Variants in CNKSR3 observed in about 807,000 individuals in gnomAD.
CNKSR3 encodes CNKSR family member 3.
Under a neutral mutation model 67.7 loss-of-function variants are expected in CNKSR3, and 36 were observed. The observed-to-expected ratio is 0.53, with a 90% CI of 0.41 to 0.70. The LOEUF is 0.70. Ranked by LOEUF, CNKSR3 falls within the 30% of genes least tolerant of loss-of-function variation. The pLI is 0.00. For missense variants in CNKSR3, 630 were observed against 695.2 expected (o/e 0.91, Z 1.05); for synonymous variants, 281 against 271.4 (o/e 1.04, Z -0.35).
At chr6:154,438,211 AT>A (rs1484170043) in intron 4 of CNKSR3, among the ~76,000 whole-genome samples, 5 of 152,118 alleles carry the variant, frequency 3.3e-5, no homozygotes, top group Non-Finnish European at 7.3e-5. Flanking sequence ...CATATACATG[AT>A]TTTTATAAAT....
rs748895826 is a variant in CNKSR3 at position 154,414,308 on chromosome 6, T to C, written c.1061A>G (p.Tyr354Cys). ...LYIPPPPAVP[Y>C]SPRDENGSFV... is the part of the protein sequence containing the mutation. ...ATGGACAGCAACATACCGGGGAGAG[T>C]AGGGAACAGCAGGCGGAGGAGGAAT... Residue 354 changes from tyrosine to cysteine, a missense_variant, in exon 10 of 13, where the codon TAC becomes TGC. Tyr to Cys is a radical substitution (Grantham distance 194). This residue lies in a region of CNKSR3 where 308 missense variants were observed against 299.6 expected (regional missense o/e 1.03). Coordinates refer to ENST00000607772, the MANE Select transcript of CNKSR3 (RefSeq NM_173515.4). The C allele has an allele frequency of 3.1e-6, 5 of 1,594,532 alleles. No individual in the cohort carries two copies. In the East Asian group the frequency reaches 9.0e-5, roughly 29 times the overall value.
intron 4 of CNKSR3, among the ~76,000 whole-genome samples, chr6:154,434,969 G>T (rs1384341007): frequency 2.0e-5 from 3 of 148,014 alleles, no homozygotes; most frequent in African/African-American, 7.5e-5. Context: ...CTTTATCTTT[G>T]TGTCTATAAT....
At chr6:154,409,585 G>C (rs1784866282) in intron 12 of CNKSR3, among the ~76,000 whole-genome samples, 1 of 152,134 alleles carries the variant, frequency 6.6e-6, no homozygotes, top group Non-Finnish European at 1.5e-5. Flanking sequence ...GGGCATGGTG[G>C]CACACGTCTG....
At chr6:154,458,376 G>A (rs1786002772) in intron 1 of CNKSR3, among the ~76,000 whole-genome samples, 1 of 152,094 alleles carries the variant, frequency 6.6e-6, no homozygotes, top group East Asian at 1.9e-4. Flanking sequence ...CTCCCCTAAT[G>A]AAAGACCTGA....
intron 1 of CNKSR3, among the ~76,000 whole-genome samples, chr6:154,468,227 G>A (rs899819073): frequency 1.3e-4 from 19 of 151,108 alleles, no homozygotes; most frequent in African/African-American, 4.6e-4. Flanking sequence ...TTATAAGCAG[G>A]CACCACCACA....
At chr6:154,447,215 A>T (rs1785725258) in intron 2 of CNKSR3, among the ~76,000 whole-genome samples, 1 of 152,160 alleles carries the variant, frequency 6.6e-6, no homozygotes. Flanking sequence ...TGCACAGATG[A>T]AAATGTTCTT....
At chr6:154,408,931 C>T (rs191803710) in intron 12 of CNKSR3, among the ~76,000 whole-genome samples, 2 of 151,860 alleles carry the variant, frequency 1.3e-5, no homozygotes, top group African/African-American at 4.8e-5. Context: ...AACCCTGACA[C>T]TTCATCTCTC....
At chr6:154,460,202 C>G (rs114191014) in intron 1 of CNKSR3, among the ~76,000 whole-genome samples, 5 of 152,104 alleles carry the variant, frequency 3.3e-5, no homozygotes, top group East Asian at 3.9e-4. Flanking sequence ...AAAAAAGAAC[C>G]GACATGCAAA....
intron 1 of CNKSR3, among the ~76,000 whole-genome samples, chr6:154,454,438 G>A (rs1439017167): frequency 6.6e-6 from 1 of 152,108 alleles, no homozygotes; most frequent in Non-Finnish European, 1.5e-5. Flanking sequence ...TATAATTCTA[G>A]CACTTTGGGA....
chr6:154,435,525 A>G (rs1371235045), intron 4 of CNKSR3, among the ~76,000 whole-genome samples: 1 of 152,096 alleles, frequency 6.6e-6, no homozygotes, highest in African/African-American at 2.4e-5. Flanking sequence ...CCGCCTCCCA[A>G]ATTGTTCCAG....
At chr6:154,500,414 C>T (rs1011133598) in intron 1 of CNKSR3, among the ~76,000 whole-genome samples, 2 of 152,050 alleles carry the variant, frequency 1.3e-5, no homozygotes, top group African/African-American at 2.4e-5. Flanking sequence ...TCATAATCGC[C>T]GCCTTTTCTG....
chr6:154,465,563 C>T (rs1029753666), intron 1 of CNKSR3, among the ~76,000 whole-genome samples: 4 of 152,188 alleles, frequency 2.6e-5, no homozygotes, highest in Non-Finnish European at 5.9e-5. Context: ...CCGAGCCTGG[C>T]TCACACCAGG....
intron 1 of CNKSR3, among the ~76,000 whole-genome samples, chr6:154,476,397 C>T (rs909109284): frequency 1.4e-5 from 2 of 145,362 alleles, no homozygotes; most frequent in South Asian, 2.2e-4. Context: ...GCGGAGGTTG[C>T]GGTGAGCCGA....
In CNKSR3 at chr6:154,403,394, T is replaced by G. The variant is rs1184659733; in HGVS notation, c.*2960A>C. 6.8e-6 allele frequency: 1 copy of G among 147,506 alleles called. No homozygotes were observed. Among genetic ancestry groups the G allele is most frequent in the East Asian group, 2.0e-4 (1 of 5,012 alleles). 9.1% of individuals were successfully genotyped at this position (147,506 alleles called of 1,614,324 possible). A position where few individuals can be genotyped will look rare whatever the true frequency, so the allele number is the denominator to read the frequency against. ...CTGCACTCTAGCCTGGGTGACAGAG[T>G]GAGAATCTGTCTCAGAAAAAAAAAA... On this transcript the variant is annotated 3_prime_UTR_variant, in exon 13 of 13. Coordinates refer to ENST00000607772, the MANE Select transcript of CNKSR3 (RefSeq NM_173515.4).
At chr6:154,473,344 G>A (rs981712051) in intron 1 of CNKSR3, among the ~76,000 whole-genome samples, 2 of 152,168 alleles carry the variant, frequency 1.3e-5, no homozygotes, top group Non-Finnish European at 2.9e-5. Context: ...GCATTGACTC[G>A]CAAAATTTGA....
chr6:154,503,333 G>A (rs1413075303), intron 1 of CNKSR3, among the ~76,000 whole-genome samples: 2 of 152,052 alleles, frequency 1.3e-5, no homozygotes, highest in African/African-American at 4.8e-5. Flanking sequence ...TTAAAGGGGG[G>A]CAGGGGTTGG....
chr6:154,505,708 GT>G (rs1443080667), intron 1 of CNKSR3, among the ~76,000 whole-genome samples: 5 of 149,034 alleles, frequency 3.4e-5, no homozygotes, highest in African/African-American at 1.2e-4. Flanking sequence ...CACCATGTTG[GT>G]CAGGATGGTC....
Position 154,406,321 on chromosome 6 carries a change from G to A in CNKSR3, c.*33C>T, listed in dbSNP as rs754047906. The A allele has an allele frequency of 6.3e-7, 1 of 1,580,462 alleles. No homozygotes were observed. ...CTGTAAAAGCAAGGCACTTGGGGCA[G>A]GAGCCAGGCAGGTGGCCTGAGCAGG... On this transcript the variant is annotated 3_prime_UTR_variant, in exon 13 of 13. Coordinates refer to ENST00000607772, the MANE Select transcript of CNKSR3 (RefSeq NM_173515.4).
chr6:154,500,852 T>C (rs1041557889), intron 1 of CNKSR3, among the ~76,000 whole-genome samples: 3 of 152,212 alleles, frequency 2.0e-5, no homozygotes, highest in African/African-American at 4.8e-5. Context: ...ATATTTGCCC[T>C]TCTGATCCCA....
Sources: gnomAD v4.1 joint callset for allele counts (sites outside exome capture counted in the v4.1 genomes callset) on GRCh38, gnomAD v4.1.1 for gene constraint, gnomAD v4.1.1 regional missense constraint, MANE v1.5 for transcripts, NCBI Gene and HGNC (gene_info 2026-07-23, HGNC 2026-07-21) for gene names.